Variants in PRKCE observed in about 807,000 individuals in gnomAD.
PRKCE encodes the protein protein kinase C epsilon, also known as protein kinase C epsilon type.
A neutral mutation model predicts 85.4 loss-of-function variants in PRKCE; 16 were observed. The observed-to-expected ratio is 0.19, with a 90% CI of 0.13 to 0.28. The LOEUF is 0.28. PRKCE is among the 10% of genes least tolerant of loss of function. The pLI, the probability that PRKCE is intolerant of heterozygous loss-of-function variation, is 1.00. For missense variants in PRKCE, 573 were observed against 975.2 expected (o/e 0.59, Z 5.49); for synonymous variants, 388 against 371.5 (o/e 1.04, Z -0.51).
At chr2:45,949,899 A>G (rs958702324) in intron 2 of PRKCE, among the ~76,000 whole-genome samples, 1 of 151,392 alleles carries the variant, frequency 6.6e-6, no homozygotes, top group Non-Finnish European at 1.5e-5. Context: ...TTTTTTTTTA[A>G]AGAAAACTCA....
chr2:45,941,971 T>TGA lies in PRKCE; in HGVS notation c.413-34457_413-34456dup, dbSNP rs1219208549. On this transcript the variant is annotated intron_variant, in intron 2 of 14. Transcript: ENST00000306156. ...CAAGCAAGAGGCTGCTGCAGGTAGC[T>TGA]GAAGTTTTTTTCTGAGTTGGCTCCA... is the stretch of plus-strand genomic sequence containing the variant. 3.9e-5 allele frequency among the ~76,000 whole-genome samples: 6 copies of TGA among 152,320 alleles called. No individual in the cohort carries two copies. In the East Asian group the frequency reaches 1.2e-3, roughly 29 times the overall value.
intron 11 of PRKCE, among the ~76,000 whole-genome samples, chr2:46,102,096 A>G (rs1323645508): frequency 6.6e-6 from 1 of 152,106 alleles, no homozygotes; most frequent in African/African-American, 2.4e-5. Flanking sequence ...GTCACATTCC[A>G]TTGGTAGCTT....
At chr2:46,100,390 G>A (rs1671090847) in intron 11 of PRKCE, among the ~76,000 whole-genome samples, 1 of 152,148 alleles carries the variant, frequency 6.6e-6, no homozygotes, top group Non-Finnish European at 1.5e-5. Context: ...AGCTTTTGGG[G>A]GATCTGATGT....
At chr2:46,122,728 A>T (rs573537213) in intron 11 of PRKCE, among the ~76,000 whole-genome samples, 1 of 152,242 alleles carries the variant, frequency 6.6e-6, no homozygotes, top group East Asian at 1.9e-4. Context: ...TCATTTAACC[A>T]CTGGGAAGAT....
chr2:45,706,467 G>A (rs1679123247), intron 1 of PRKCE, among the ~76,000 whole-genome samples: 1 of 152,172 alleles, frequency 6.6e-6, no homozygotes, highest in African/African-American at 2.4e-5. Context: ...CCAGGTCGGA[G>A]GAACTTGAAG....
chr2:46,134,848 A>T (rs1271368647), intron 11 of PRKCE, among the ~76,000 whole-genome samples: 1 of 152,242 alleles, frequency 6.6e-6, no homozygotes, highest in Admixed American at 6.5e-5. Flanking sequence ...TAGCTCACCC[A>T]CATGCTGGAA....
intron 11 of PRKCE, among the ~76,000 whole-genome samples, chr2:46,107,793 T>C (rs578200675): frequency 1.4e-4 from 22 of 152,370 alleles, no homozygotes; most frequent in African/African-American, 5.0e-4. Flanking sequence ...AATTTGCAAT[T>C]CACTAATGAT....
intron 2 of PRKCE, among the ~76,000 whole-genome samples, chr2:45,926,692 T>G (rs1404450756): frequency 6.6e-6 from 1 of 152,238 alleles, no homozygotes; most frequent in Non-Finnish European, 1.5e-5. Context: ...AACGAACATT[T>G]TGTGACATGG....
chr2:45,844,812 C>T (rs545675476), intron 2 of PRKCE, among the ~76,000 whole-genome samples: 25 of 152,210 alleles, frequency 1.6e-4, no homozygotes, highest in Admixed American at 1.1e-3. Context: ...TCCTTTTTTA[C>T]ATTAGAGGGA....
intron 1 of PRKCE, among the ~76,000 whole-genome samples, chr2:45,758,088 G>A (rs1684159589): frequency 6.6e-6 from 1 of 152,236 alleles, no homozygotes; most frequent in South Asian, 2.1e-4. Flanking sequence ...GGCTGAGGGT[G>A]CAAGGGGCTA....
At chr2:45,988,411 T>G (rs1285972564) in intron 6 of PRKCE, among the ~76,000 whole-genome samples, 1 of 152,210 alleles carries the variant, frequency 6.6e-6, no homozygotes, top group Non-Finnish European at 1.5e-5. Context: ...TGTCCCTTTG[T>G]CAGCCAGGTA....
intron 1 of PRKCE, among the ~76,000 whole-genome samples, chr2:45,672,949 C>T (rs557521283): frequency 1.3e-5 from 2 of 152,208 alleles, no homozygotes; most frequent in Non-Finnish European, 2.9e-5. Flanking sequence ...ACTGCATGAG[C>T]CCAGGAGTTT....
intron 2 of PRKCE, among the ~76,000 whole-genome samples, chr2:45,893,493 G>T (rs575499137): frequency 3.3e-4 from 50 of 151,990 alleles, no homozygotes; most frequent in Admixed American, 1.0e-3. Context: ...TCAGCCTCCT[G>T]AGTAGCTGGG....
At chr2:46,094,241 C>A (rs1487916848) in intron 11 of PRKCE, among the ~76,000 whole-genome samples, 1 of 152,202 alleles carries the variant, frequency 6.6e-6, no homozygotes, top group African/African-American at 2.4e-5. Context: ...TTCCCACTAT[C>A]CTGTGAAGCT....
chr2:45,788,946 C>CT (rs1249645314), intron 1 of PRKCE, among the ~76,000 whole-genome samples: 2 of 152,192 alleles, frequency 1.3e-5, no homozygotes, highest in East Asian at 3.8e-4. Flanking sequence ...ATACCAGAAC[C>CT]TAGTCCTACC....
chr2:45,682,700 C>T (rs192916072), intron 1 of PRKCE, among the ~76,000 whole-genome samples: 3 of 152,316 alleles, frequency 2.0e-5, no homozygotes, highest in Non-Finnish European at 4.4e-5. Flanking sequence ...AATTCTCCTG[C>T]CTCAGCCTCA....
Position 45,700,599 on chromosome 2 carries a change from C to T in PRKCE, c.348+48151C>T, listed in dbSNP as rs537569040. The T allele has an allele frequency of 2.6e-5, 4 of 152,250 alleles. No individual in the cohort carries two copies. The East Asian group carries it at 7.8e-4, about 30-fold the overall frequency. 9.4% of individuals were successfully genotyped at this position (152,250 alleles called of 1,614,324 possible). A position where few individuals can be genotyped will look rare whatever the true frequency, so the allele number is the denominator to read the frequency against. On this transcript the variant is annotated intron_variant, in intron 1 of 14. Coordinates refer to ENST00000306156, the MANE Select transcript of PRKCE (RefSeq NM_005400.3). ...ATCTAGGAAATGAAACTAAACTTGG[C>T]TTCGACCTAGACCTTGTGTGACCTT...
chr2:45,817,503 C>A (rs1331387676), intron 1 of PRKCE, among the ~76,000 whole-genome samples: 2 of 151,040 alleles, frequency 1.3e-5, no homozygotes, highest in African/African-American at 4.9e-5. Flanking sequence ...ACCATCCTGG[C>A]TAACACGGTG....
chr2:45,705,548 G>A (rs1226399043), intron 1 of PRKCE, among the ~76,000 whole-genome samples: 1 of 152,192 alleles, frequency 6.6e-6, no homozygotes, highest in Non-Finnish European at 1.5e-5. Flanking sequence ...CAGGCTTATT[G>A]GAAGGAGGGA....
Sources: gnomAD v4.1 joint callset for allele counts (sites outside exome capture counted in the v4.1 genomes callset) on GRCh38, gnomAD v4.1.1 for gene constraint, MANE v1.5 for transcripts, NCBI Gene and HGNC (gene_info 2026-07-23, HGNC 2026-07-21) for gene names.